The following CHAT variants were observed in gnomAD, a reference collection of about 807,000 sequenced individuals.
CHAT encodes acetyl CoA:choline O-acetyltransferase.
A neutral mutation model predicts 76.9 loss-of-function variants in CHAT; 61 were observed. The observed-to-expected ratio is 0.79, with a 90% CI of 0.65 to 0.98. CHAT has a LOEUF of 0.98. Ranked by LOEUF, CHAT falls within the 50% of genes least tolerant of loss-of-function variation. CHAT has a pLI of 0.00. For missense variants in CHAT, 946 were observed against 986.9 expected, an observed-to-expected ratio of 0.96 and a Z score of 0.56; for synonymous variants, 407 against 397.4, an observed-to-expected ratio of 1.02 and a Z score of -0.29.
At chr10:49,614,008 A>C, upstream of CHAT, 1 of 1,110,050 alleles carries the variant, frequency 9.0e-7, no homozygotes, top group Non-Finnish European at 1.3e-6. Context: ...AGGCTGGAAT[A>C]ATGGGGTTGG....
intron 13 of CHAT, chr10:49,661,222 A>G (rs1453394244): frequency 2.0e-5 from 3 of 152,246 alleles, no homozygotes; most frequent in Non-Finnish European, 2.9e-5. Flanking sequence ...TCTGAGCCAA[A>G]CAACCTGTGA....
upstream of CHAT, chr10:49,610,923 C>G (rs77672173): frequency 2.5e-4 from 405 of 1,611,124 alleles, no homozygotes; most frequent in Admixed American, 4.7e-4. Context: ...CCGACTACAT[C>G]GCCCACATGC....
At chr10:49,630,762 T>A (rs2132745752) in intron 7 of CHAT, among the ~76,000 whole-genome samples, 1 of 152,026 alleles carries the variant, frequency 6.6e-6, no homozygotes, top group African/African-American at 2.4e-5. Context: ...ACTCAGAAAA[T>A]AAGAGGCCTT....
chr10:49,615,329 C>T (rs904221021), intron 1 of CHAT, among the ~76,000 whole-genome samples: 2 of 152,260 alleles, frequency 1.3e-5, no homozygotes, highest in African/African-American at 4.8e-5. Flanking sequence ...GCAGCCCCTA[C>T]GAACCCACAG....
At chr10:49,610,382 A>G (rs969447716), upstream of CHAT, 11 of 238,326 alleles carry the variant, frequency 4.6e-5, no homozygotes, top group East Asian at 2.4e-4. Flanking sequence ...CGGCAACAGC[A>G]TGTCCCTCGG....
At chr10:49,658,311 T>A (rs1345357820) in intron 13 of CHAT, among the ~76,000 whole-genome samples, 1 of 151,104 alleles carries the variant, frequency 6.6e-6, no homozygotes, top group Non-Finnish European at 1.5e-5. Flanking sequence ...AGGTTGGGAG[T>A]TCAAGTCCAG....
intron 13 of CHAT, among the ~76,000 whole-genome samples, chr10:49,659,345 CTT>C (rs2132843664): frequency 6.6e-6 from 1 of 152,138 alleles, no homozygotes; most frequent in African/African-American, 2.4e-5. Context: ...AGAATGTAGA[CTT>C]CTAAAGTGAG....
At chr10:49,629,187 G>T (rs1327605899) in intron 7 of CHAT, among the ~76,000 whole-genome samples, 1 of 152,248 alleles carries the variant, frequency 6.6e-6, no homozygotes, top group East Asian at 1.9e-4. Context: ...AGAAGGACAG[G>T]GGCCTTGTCT....
In CHAT at chr10:49,619,858, G is replaced by GCC. The variant is rs1404321683; in HGVS notation, c.522_523dup (p.Leu175ProfsTer26). On this transcript the variant is annotated frameshift_variant, in exon 3 of 15. Coordinates refer to ENST00000337653, the MANE Select transcript of CHAT (RefSeq NM_020549.5). LOFTEE classifies it high-confidence loss of function. Reference sequence around the variant, plus strand: ...GTGCAGCAGTTTGGGGCCCCTGGTGGCCTCGGCGAGACCCTGCAGCAGAAA... The same window carrying GCC: ...GTGCAGCAGTTTGGGGCCCCTGGTGGCCCCTCGGCGAGACCCTGCAGCAGAAA... 2 of 1,613,578 alleles carry GCC rather than the reference G, an allele frequency of 1.2e-6. No individual in the cohort carries two copies. The highest frequency in any genetic ancestry group is 1.7e-6 in the Non-Finnish European group (2 of 1,179,862).
At chr10:49,650,813 T>C (rs1839852742) in intron 10 of CHAT, among the ~76,000 whole-genome samples, 1 of 152,084 alleles carries the variant, frequency 6.6e-6, no homozygotes, top group Non-Finnish European at 1.5e-5. Flanking sequence ...AGAGGTTGCC[T>C]GGCTTCAGTG....
chr10:49,642,674 G>A (rs532659579), intron 7 of CHAT, among the ~76,000 whole-genome samples: 57 of 152,362 alleles, frequency 3.7e-4, no homozygotes, highest in Admixed American at 2.2e-3. Flanking sequence ...CATGCTGTGG[G>A]CTGCCTCAGG....
In CHAT at chr10:49,614,324, G is replaced by T. The variant is rs954236201; in HGVS notation, c.135G>T (p.Pro45=). The T allele has an allele frequency of 2.6e-6, 4 of 1,547,440 alleles. No individual in the cohort carries two copies. The Admixed American group carries it at 5.9e-5, about 23-fold the overall frequency. ...TCCAGTCGGGTGGCCGCGGGGACCC[G>T]GGCGACGTCGGAGGCCCTGCCGGGA... ...CFLQSGGRGD[P]GDVGGPAGNP... is the part of the protein sequence containing the mutation. Residue 45 remains proline, a synonymous_variant, in exon 1 of 15, where the codon CCG becomes CCT. Coordinates refer to ENST00000337653, the MANE Select transcript of CHAT (RefSeq NM_020549.5).
At chr10:49,627,174 G>A (rs1838950832) in intron 6 of CHAT, among the ~76,000 whole-genome samples, 1 of 152,212 alleles carries the variant, frequency 6.6e-6, no homozygotes. Context: ...TTGCAAACAA[G>A]GCCGAGAGGC....
intron 8 of CHAT, among the ~76,000 whole-genome samples, chr10:49,646,898 C>T (rs919589607): frequency 3.3e-5 from 5 of 152,216 alleles, no homozygotes; most frequent in African/African-American, 1.2e-4. Context: ...GAACTCTTCT[C>T]AGGAGCCAGT....
In CHAT at chr10:49,614,120, T is replaced by G. The variant is rs1361433862; in HGVS notation, c.-70T>G. 1 of 1,543,716 alleles carries G rather than the reference T, an allele frequency of 6.5e-7. No individual in the cohort carries two copies. On this transcript the variant is annotated 5_prime_UTR_variant, in exon 1 of 15. Coordinates refer to ENST00000337653, the MANE Select transcript of CHAT (RefSeq NM_020549.5). ...AGCCTAAATTTGTTGCCCGAGTTCCTCCGGGAAGCGCTCCGGGTAGATTCT... is the reference window on the plus strand; with the variant it reads ...AGCCTAAATTTGTTGCCCGAGTTCCGCCGGGAAGCGCTCCGGGTAGATTCT...
At chr10:49,662,861 G>C in intron 14 of CHAT, 79 bp downstream of exon 14, 2 of 1,568,646 alleles carry the variant, frequency 1.3e-6, no homozygotes. Context: ...AAGCCCACTA[G>C]CTGGAATCAG....
At chr10:49,624,183 A>G (rs1838832958) in intron 5 of CHAT, among the ~76,000 whole-genome samples, 1 of 152,176 alleles carries the variant, frequency 6.6e-6, no homozygotes, top group Non-Finnish European at 1.5e-5. Flanking sequence ...AGTGCTTCTC[A>G]AGCTGCCTCT....
chr10:49,644,323 G>C (rs1346805347), intron 7 of CHAT, among the ~76,000 whole-genome samples: 1 of 152,166 alleles, frequency 6.6e-6, no homozygotes, highest in East Asian at 1.9e-4. Context: ...GGAGCCCACG[G>C]TGCCATGTTT....
intron 7 of CHAT, among the ~76,000 whole-genome samples, chr10:49,643,481 G>A (rs1839555204): frequency 6.6e-6 from 1 of 152,174 alleles, no homozygotes; most frequent in Non-Finnish European, 1.5e-5. Context: ...GGGCTCTGAA[G>A]GCACTGGCTA....
Sources: allele counts gnomAD v4.1 joint callset (sites outside exome capture counted in the v4.1 genomes callset), GRCh38; gene constraint gnomAD v4.1.1; transcripts MANE v1.5; gene names NCBI Gene and HGNC (gene_info 2026-07-23, HGNC 2026-07-21).